CRYBB2: variants seen among roughly 807,000 people sequenced by gnomAD.
CRYBB2 encodes the protein crystallin beta B2, also known as beta-crystallin B2.
Under a neutral mutation model 24.3 loss-of-function variants are expected in CRYBB2, and 12 were observed. The observed-to-expected ratio is 0.49, with a 90% CI of 0.32 to 0.80. The LOEUF (loss-of-function observed/expected upper bound fraction) is 0.80. Among genes scored for constraint, CRYBB2 ranks in the 30% least tolerant of loss-of-function variants. The pLI is 0.04. For missense variants in CRYBB2, 198 were observed against 268.5 expected, an observed-to-expected ratio of 0.74 and a Z score of 1.83; for synonymous variants, 98 against 101.6, an observed-to-expected ratio of 0.96 and a Z score of 0.21.
Position 25,230,897 on chromosome 22 carries a change from G to A in CRYBB2, c.450-707G>A, listed in dbSNP as rs552786095. 5.0e-3 allele frequency among the ~76,000 whole-genome samples: 767 copies of A among 152,084 alleles called. 5 individuals carry two copies. The highest frequency in any genetic ancestry group is 0.014 in the African/African-American group (572 of 41,434). The stretch of plus-strand genomic sequence containing the variant: ...TGAGCTGAGATCTCAAGGAACAGTA[G>A]GAATTGCAGGGGTAAAGAGGCCAAG... On this transcript the variant is annotated intron_variant, in intron 5 of 5. Coordinates refer to ENST00000398215, the MANE Select transcript of CRYBB2 (RefSeq NM_000496.3).
chr22:25,212,934 A>T (rs548882187), intron 1 of CRYBB2: 1 of 152,312 alleles, frequency 6.6e-6, no homozygotes, highest in South Asian at 2.1e-4. Context: ...AACGCATATT[A>T]AGTTTAATAT....
upstream of CRYBB2, among the ~76,000 whole-genome samples, chr22:25,215,152 A>C (rs1396775590): frequency 6.6e-6 from 1 of 152,242 alleles, no homozygotes; most frequent in East Asian, 1.9e-4. Context: ...GCCATAAGCA[A>C]AATCTCTGCA....
chr22:25,231,654 A>T lies in CRYBB2; in HGVS notation c.500A>T (p.Glu167Val), dbSNP rs748599365. 1.2e-6 allele frequency: 2 copies of T among 1,613,938 alleles called. No homozygotes were observed. The highest frequency in any genetic ancestry group is 2.7e-5 in the African/African-American group (2 of 74,870). The part of the protein sequence containing the change: ...PGYRGLQYLL[E>V]KGDYKDSSDF... ...TACCGTGGGCTGCAGTACCTGCTGG[A>T]GAAGGGAGACTACAAGGACAGCAGC... Residue 167 changes from glutamate to valine, a missense_variant, in exon 6 of 6, where the codon GAG becomes GTG. Physicochemically the swap from Glu to Val is moderately radical, Grantham distance 121. Transcript: ENST00000398215.
chr22:25,218,838 G>GAAAAAGAAAGAAAGAA (rs386365958), upstream of CRYBB2, among the ~76,000 whole-genome samples: 4 of 97,992 alleles, frequency 4.1e-5, no homozygotes, highest in Non-Finnish European at 6.1e-5. Flanking sequence ...AAGAAAGAAA[G>GAAAAAGAAAGAAAGAA]AGAAAGAAAG....
At chr22:25,218,842 A>AAGAAAG (rs1569016565), upstream of CRYBB2, among the ~76,000 whole-genome samples, 19 of 118,908 alleles carry the variant, frequency 1.6e-4, no homozygotes, top group African/African-American at 3.9e-4. Context: ...AAGAAAGAGA[A>AAGAAAG]AGAAAGAAAG....
chr22:25,219,493 G>A (rs1162188840), upstream of CRYBB2: 1 of 152,298 alleles, frequency 6.6e-6, no homozygotes, highest in Non-Finnish European at 1.5e-5. Flanking sequence ...GAGACACAAT[G>A]TCTGTGGGCA....
chr22:25,216,720 C>T (rs1450491756), upstream of CRYBB2, among the ~76,000 whole-genome samples: 1 of 152,112 alleles, frequency 6.6e-6, no homozygotes, highest in Non-Finnish European at 1.5e-5. Flanking sequence ...CACCACTATC[C>T]ATCCCCAGCT....
At position 25,227,735 on chromosome 22, in the gene CRYBB2, A is replaced by G; in HGVS notation, c.174-118A>G. On this transcript the variant is annotated intron_variant, in intron 3 of 5. Transcript: ENST00000398215. ...GTGCTAAGGTTTGGGTGGGGCTATT[A>G]CATCTTGCCGGGCTGGGCAAGAGTG... 8 of 1,562,510 alleles carry G rather than the reference A, an allele frequency of 5.1e-6. No homozygotes were observed. The South Asian group carries it at 9.0e-5, about 18-fold the overall frequency.
In CRYBB2 at chr22:25,223,043, T is replaced by G. The variant is rs914657841; in HGVS notation, c.54+1560T>G. On this transcript the variant is annotated intron_variant, in intron 2 of 5. Coordinates refer to ENST00000398215, the MANE Select transcript of CRYBB2 (RefSeq NM_000496.3). ...AAGGATTGGATAATTTGTAAAATTT[T>G]GCCCTCTACTCTATTGATTAATAAC... Among the ~76,000 whole-genome samples the G allele has an allele frequency of 2.6e-5, 4 of 152,190 alleles. No individual in the cohort carries two copies. In the South Asian group the frequency reaches 8.3e-4, roughly 32 times the overall value.
intron 3 of CRYBB2, among the ~76,000 whole-genome samples, chr22:25,227,242 C>T (rs1296798472): frequency 6.6e-6 from 1 of 152,170 alleles, no homozygotes; most frequent in Non-Finnish European, 1.5e-5. Flanking sequence ...ATCCCTTCCT[C>T]TTTAATGTAC....
At chr22:25,215,564 G>A (rs576017334), upstream of CRYBB2, among the ~76,000 whole-genome samples, 251 of 94,880 alleles carry the variant, frequency 2.6e-3, no homozygotes, top group East Asian at 0.022. Context: ...TTCCTCTAGC[G>A]CCACTGGTTA....
Position 25,228,910 on chromosome 22 carries a change from G to A in CRYBB2, c.307-526G>A, listed in dbSNP as rs554097747. Reference sequence around the variant, plus strand: ...TATTAGAGGCACAGTTAGCCTGTGCGTGTGTGTGTACATGTGTGGGTGTGC... The same window carrying A: ...TATTAGAGGCACAGTTAGCCTGTGCATGTGTGTGTACATGTGTGGGTGTGC... On this transcript the variant is annotated intron_variant, in intron 4 of 5. Coordinates refer to ENST00000398215, the MANE Select transcript of CRYBB2 (RefSeq NM_000496.3). 7.1e-4 allele frequency among the ~76,000 whole-genome samples: 108 copies of A among 152,202 alleles called. 1 individual carries two copies. The highest frequency in any genetic ancestry group is 2.4e-3 in the African/African-American group (101 of 41,476).
intron 3 of CRYBB2, among the ~76,000 whole-genome samples, chr22:25,225,983 A>T (rs923902824): frequency 6.6e-6 from 1 of 152,234 alleles, no homozygotes; most frequent in African/African-American, 2.4e-5. Flanking sequence ...TGATGAAAAA[A>T]AATTTCCCAA....
At chr22:25,218,783 A>AG (rs1569016308), upstream of CRYBB2, among the ~76,000 whole-genome samples, 21 of 62,394 alleles carry the variant, frequency 3.4e-4, no homozygotes, top group Non-Finnish European at 5.1e-4. Context: ...GAGAGAGAAG[A>AG]AAGAAAGAAA....
chr22:25,217,395 G>T (rs927573409), upstream of CRYBB2, among the ~76,000 whole-genome samples: 3 of 152,166 alleles, frequency 2.0e-5, no homozygotes, highest in East Asian at 5.8e-4. Context: ...TTGGCTCACT[G>T]CATCCTCTGC....
chr22:25,217,998 G>A (rs1356363294), upstream of CRYBB2, among the ~76,000 whole-genome samples: 9 of 152,096 alleles, frequency 5.9e-5, no homozygotes, highest in South Asian at 2.1e-4. Flanking sequence ...GGTGGCTCAC[G>A]CCTGTAATCC....
chr22:25,221,187 C>T (rs181705530), intron 1 of CRYBB2, among the ~76,000 whole-genome samples: 63 of 152,310 alleles, frequency 4.1e-4, no homozygotes, highest in Non-Finnish European at 4.7e-4. Context: ...GAGTAGACCT[C>T]GTTTTTCCCT....
rs574632736 is a variant in CRYBB2 at position 25,220,681 on chromosome 22, A to G, written c.-26-723A>G. 2.6e-5 allele frequency among the ~76,000 whole-genome samples: 4 copies of G among 152,246 alleles called. No individual in the cohort carries two copies. The South Asian group carries it at 8.3e-4, about 32-fold the overall frequency. On this transcript the variant is annotated intron_variant, in intron 1 of 5. Coordinates refer to ENST00000398215, the MANE Select transcript of CRYBB2 (RefSeq NM_000496.3). The stretch of plus-strand genomic sequence containing the variant: ...CCCTGGGGAAACACAGCCTGGTTTG[A>G]CCACCCCTTCTGCAGGAAGGGGGAA...
chr22:25,218,734 GGGGAGAGAGAGAGAGA>G (rs1935235778), upstream of CRYBB2, among the ~76,000 whole-genome samples: 1 of 31,110 alleles, frequency 3.2e-5, no homozygotes, highest in Non-Finnish European at 5.2e-5. Context: ...GAGAGAGAGA[GGGGAGAGAGAGAGAGA>G]GAGAGAGAGA....
Sources: allele counts gnomAD v4.1 joint callset (sites outside exome capture counted in the v4.1 genomes callset), GRCh38; gene constraint gnomAD v4.1.1; transcripts MANE v1.5; gene names NCBI Gene and HGNC (gene_info 2026-07-23, HGNC 2026-07-21).